TMEFF1: variants seen among roughly 807,000 people sequenced by gnomAD.
TMEFF1 encodes tomoregulin-1.
TMEFF1 carries 20 observed loss-of-function variants against 47.5 expected under a neutral mutation model. That is an observed-to-expected ratio of 0.42 (90% CI 0.30 to 0.61). The LOEUF (loss-of-function observed/expected upper bound fraction) is 0.61. TMEFF1 is among the 20% of genes least tolerant of loss of function. The pLI is 0.19. For missense variants in TMEFF1, 411 were observed against 471.1 expected (o/e 0.87, Z 1.18); for synonymous variants, 162 against 166.3 (o/e 0.97, Z 0.20).
chr9:100,532,701 C>A (rs1453170680), intron 5 of TMEFF1, among the ~76,000 whole-genome samples: 1 of 151,620 alleles, frequency 6.6e-6, no homozygotes, highest in Non-Finnish European at 1.5e-5. Flanking sequence ...GGATCTAGAA[C>A]TGGAAATACC....
intron 9 of TMEFF1, among the ~76,000 whole-genome samples, 153 bp from the exon 10 acceptor site, chr9:100,576,363 T>C (rs1300277013): frequency 6.6e-6 from 1 of 152,226 alleles, no homozygotes; most frequent in Non-Finnish European, 1.5e-5. Context: ...CTTCATCTTG[T>C]CTTGCAACAG....
chr9:100,557,932 G>A (rs913209466), intron 7 of TMEFF1, among the ~76,000 whole-genome samples: 1 of 151,774 alleles, frequency 6.6e-6, no homozygotes, highest in Admixed American at 6.6e-5. Flanking sequence ...GGCATTGAGC[G>A]GAATATTAGA....
At chr9:100,538,669 A>G (rs528260591) in intron 5 of TMEFF1, among the ~76,000 whole-genome samples, 20 of 152,262 alleles carry the variant, frequency 1.3e-4, no homozygotes, top group African/African-American at 4.8e-4. Flanking sequence ...GAATCATGCT[A>G]TATGCATTCT....
intron 4 of TMEFF1, among the ~76,000 whole-genome samples, chr9:100,514,205 G>A (rs998573962): frequency 4.0e-5 from 6 of 151,740 alleles, no homozygotes; most frequent in Admixed American, 6.6e-5. Context: ...CACTCCATAC[G>A]TCTACATTTC....
In TMEFF1 at chr9:100,550,151, G is replaced by T; in HGVS notation, c.766G>T (p.Asp256Tyr). The T allele has an allele frequency of 1.2e-6, 2 of 1,612,102 alleles. No individual in the cohort carries two copies. The highest frequency in any genetic ancestry group is 1.7e-6 in the Non-Finnish European group (2 of 1,179,190). Residue 256 changes from aspartate (D) to tyrosine (Y), a missense_variant, in exon 7 of 10, where the codon GAT (aspartate) becomes TAT (tyrosine). Physicochemically the swap from Asp to Tyr is radical, Grantham distance 160. Transcript: ENST00000374879. The part of the protein sequence containing the change: ...KKDDGLQYRP[D>Y]VKDASDQRED... ...AGATGATGGACTACAATATCGACCA[G>T]ATGTGAAAGGTACTGAATCATGCAT... is the stretch of plus-strand genomic sequence containing the variant.
chr9:100,555,407 T>C (rs972702197), intron 7 of TMEFF1, among the ~76,000 whole-genome samples: 20 of 152,214 alleles, frequency 1.3e-4, no homozygotes, highest in Admixed American at 3.3e-4. Flanking sequence ...GCTAATTTAC[T>C]TGGCCTGGAG....
chr9:100,520,650 C>T (rs745977054), intron 5 of TMEFF1, among the ~76,000 whole-genome samples: 1 of 152,180 alleles, frequency 6.6e-6, no homozygotes. Flanking sequence ...TTAACATACT[C>T]TTACAATTAC....
chr9:100,527,120 G>A (rs1028715968), intron 5 of TMEFF1, among the ~76,000 whole-genome samples: 7 of 151,770 alleles, frequency 4.6e-5, no homozygotes, highest in African/African-American at 1.7e-4. Flanking sequence ...TCCAGCCTGG[G>A]CGACAGAGTG....
At chr9:100,495,102 C>A (rs896240732) in intron 1 of TMEFF1, among the ~76,000 whole-genome samples, 1 of 151,880 alleles carries the variant, frequency 6.6e-6, no homozygotes, top group African/African-American at 2.4e-5. Flanking sequence ...TTAATGAAGG[C>A]ACACCCTAGT....
At chr9:100,514,559 T>TA (rs138785056) in intron 4 of TMEFF1, among the ~76,000 whole-genome samples, 2,716 of 151,914 alleles carry the variant, frequency 0.018, 81 homozygotes, top group African/African-American at 0.062. Flanking sequence ...GCTTATATAA[T>TA]ACAATATTGG....
At chr9:100,524,531 C>T (rs534802192) in intron 5 of TMEFF1, among the ~76,000 whole-genome samples, 6 of 152,132 alleles carry the variant, frequency 3.9e-5, no homozygotes, top group Non-Finnish European at 7.4e-5. Flanking sequence ...TCATGGAGAA[C>T]GTAGGCTCAC....
chr9:100,480,887 A>C (rs1837326741), intron 1 of TMEFF1, among the ~76,000 whole-genome samples: 1 of 152,242 alleles, frequency 6.6e-6, no homozygotes, highest in Non-Finnish European at 1.5e-5. Flanking sequence ...CCTGAGGAAG[A>C]TACAGATGTG....
chr9:100,475,887 G>A (rs899746298), intron 1 of TMEFF1, among the ~76,000 whole-genome samples: 1 of 151,678 alleles, frequency 6.6e-6, no homozygotes, highest in African/African-American at 2.4e-5. Flanking sequence ...GGCTCAGTTA[G>A]TCACCCTGGG....
At chr9:100,516,569 C>G (rs1179885722) in intron 4 of TMEFF1, 106 bp from the exon 5 acceptor site, 2 of 1,389,870 alleles carry the variant, frequency 1.4e-6, no homozygotes, top group Admixed American at 2.7e-5. Context: ...TTCAAGAGCT[C>G]AGGTACATTT....
At chr9:100,505,805 T>G (rs1837850040) in intron 2 of TMEFF1, among the ~76,000 whole-genome samples, 1 of 152,216 alleles carries the variant, frequency 6.6e-6, no homozygotes, top group Non-Finnish European at 1.5e-5. Context: ...CGTTAGAAAG[T>G]AAGCATTTGT....
chr9:100,475,961 G>A (rs1837220276), intron 1 of TMEFF1, among the ~76,000 whole-genome samples: 1 of 152,060 alleles, frequency 6.6e-6, no homozygotes. Flanking sequence ...ACTGATCTAG[G>A]GGTCATGGTC....
chr9:100,531,757 C>T (rs1204233390), intron 5 of TMEFF1, among the ~76,000 whole-genome samples: 9 of 152,092 alleles, frequency 5.9e-5, no homozygotes, highest in African/African-American at 1.4e-4. Context: ...CATATGGAAC[C>T]GAAAAAGAGC....
intron 7 of TMEFF1, among the ~76,000 whole-genome samples, chr9:100,555,829 T>C (rs991706748): frequency 6.6e-6 from 1 of 152,314 alleles, no homozygotes; most frequent in African/African-American, 2.4e-5. Context: ...ATTAATTGAG[T>C]GCCCTACTAT....
intron 5 of TMEFF1, among the ~76,000 whole-genome samples, chr9:100,538,786 T>C (rs746150392): frequency 6.6e-6 from 1 of 152,260 alleles, no homozygotes; most frequent in Non-Finnish European, 1.5e-5. Context: ...ATTGTTTGCC[T>C]GTACCACATT....
Sources: allele counts gnomAD v4.1 joint callset (sites outside exome capture counted in the v4.1 genomes callset), GRCh38; gene constraint gnomAD v4.1.1; transcripts MANE v1.5; gene names NCBI Gene and HGNC (gene_info 2026-07-23, HGNC 2026-07-21).